Variants in DNAH14 observed in about 807,000 individuals in gnomAD.
The protein encoded by DNAH14 is axonemal beta dynein heavy chain 14.
A neutral mutation model predicts 520.9 loss-of-function variants in DNAH14; 478 were observed. The observed-to-expected ratio is 0.92, with a 90% CI of 0.85 to 0.99. The LOEUF (loss-of-function observed/expected upper bound fraction) is 0.99. DNAH14 is among the 50% of genes least tolerant of loss of function. The pLI, the probability that DNAH14 is intolerant of heterozygous loss-of-function variation, is 0.00. For missense variants in DNAH14, 4,831 were observed against 5,234.5 expected (o/e 0.92, Z 2.38); for synonymous variants, 1,581 against 1,757.2 (o/e 0.90, Z 2.51).
chr1:225,095,447 T>C (rs1188595435), intron 21 of DNAH14, among the ~76,000 whole-genome samples: 1 of 152,022 alleles, frequency 6.6e-6, no homozygotes, highest in Non-Finnish European at 1.5e-5. Context: ...GAGCTAAACA[T>C]TGAGTACACA....
intron 28 of DNAH14, among the ~76,000 whole-genome samples, chr1:225,142,145 A>C (rs1416158825): frequency 2.0e-5 from 3 of 152,198 alleles, no homozygotes; most frequent in Non-Finnish European, 4.4e-5. Context: ...TACTCTGGAA[A>C]AAGTCTAGTG....
intron 35 of DNAH14, among the ~76,000 whole-genome samples, chr1:225,162,872 C>A (rs1395706744): frequency 6.6e-6 from 1 of 151,988 alleles, no homozygotes; most frequent in African/African-American, 2.4e-5. Context: ...CGTGGTGGCT[C>A]ACACCTGTAA....
chr1:225,180,017 T>C (rs985280287), intron 36 of DNAH14, among the ~76,000 whole-genome samples: 1 of 152,206 alleles, frequency 6.6e-6, no homozygotes, highest in Non-Finnish European at 1.5e-5. Context: ...TATTTGCTTC[T>C]TTCTCTTTCT....
chr1:225,321,752 G>C (rs2094558683), intron 61 of DNAH14, among the ~76,000 whole-genome samples: 1 of 152,184 alleles, frequency 6.6e-6, no homozygotes, highest in Non-Finnish European at 1.5e-5. Context: ...TTAAGACATA[G>C]TGAAGAGACC....
At chr1:225,331,034 T>C (rs2094785904) in intron 64 of DNAH14, among the ~76,000 whole-genome samples, 1 of 152,220 alleles carries the variant, frequency 6.6e-6, no homozygotes, top group African/African-American at 2.4e-5. Flanking sequence ...AGTTGATTCA[T>C]CATACAGCTT....
At chr1:225,028,270 G>GTT (rs2066279194) in intron 11 of DNAH14, among the ~76,000 whole-genome samples, 1 of 152,026 alleles carries the variant, frequency 6.6e-6, no homozygotes, top group South Asian at 2.1e-4. Flanking sequence ...TTGTGTGTGT[G>GTT]TGGGATGTAT....
intron 17 of DNAH14, among the ~76,000 whole-genome samples, chr1:225,074,444 G>C (rs557976263): frequency 4.6e-5 from 7 of 152,328 alleles, no homozygotes; most frequent in Non-Finnish European, 7.3e-5. Context: ...TTGTAGAGAA[G>C]CTGTGCTGTG....
chr1:225,383,457 A>G (rs2095803273), intron 81 of DNAH14, among the ~76,000 whole-genome samples: 1 of 152,212 alleles, frequency 6.6e-6, no homozygotes, highest in Non-Finnish European at 1.5e-5. Context: ...GTGGTGAAAC[A>G]GCTAGGACTC....
At chr1:225,193,828 T>C (rs2149359791) in intron 38 of DNAH14, among the ~76,000 whole-genome samples, 1 of 151,716 alleles carries the variant, frequency 6.6e-6, no homozygotes, top group East Asian at 1.9e-4. Context: ...AACCTCCAAA[T>C]CTCGTAAACA....
chr1:224,939,689 C>CA (rs113656668), intron 1 of DNAH14, among the ~76,000 whole-genome samples: 32 of 151,004 alleles, frequency 2.1e-4, no homozygotes, highest in South Asian at 1.9e-3. Context: ...ATCTCAACAA[C>CA]AAAAAAAACT....
At chr1:225,219,947 A>G (rs1253637403) in intron 41 of DNAH14, among the ~76,000 whole-genome samples, 5 of 152,218 alleles carry the variant, frequency 3.3e-5, no homozygotes, top group African/African-American at 1.2e-4. Flanking sequence ...CACATCAGAA[A>G]GCTTATCTAC....
intron 27 of DNAH14, among the ~76,000 whole-genome samples, chr1:225,127,852 G>C (rs1379813607): frequency 1.3e-5 from 2 of 152,260 alleles, no homozygotes; most frequent in East Asian, 3.9e-4. Context: ...GGTAACAGTT[G>C]TTCCTTTCCA....
At chr1:224,953,913 A>G (rs2060341997) in intron 2 of DNAH14, among the ~76,000 whole-genome samples, 1 of 152,204 alleles carries the variant, frequency 6.6e-6, no homozygotes, top group African/African-American at 2.4e-5. Context: ...GAAGCCATAA[A>G]CAATACAAAC....
rs185563519 is a variant in DNAH14 at position 224,939,311 on chromosome 1, G to T, written c.-34+9476G>T. Among the ~76,000 whole-genome samples the T allele has an allele frequency of 1.0e-4, 15 of 150,592 alleles. No individual in the cohort carries two copies. In the East Asian group the frequency reaches 2.7e-3, roughly 27 times the overall value. ...GTAAGTAGAACCCTCAGATGCACTG[G>T]ATTGTACTCTAATCCTTTTCCCCTA... On this transcript the variant is annotated intron_variant, in intron 1 of 85. Transcript: ENST00000682510.
Position 225,265,198 on chromosome 1 carries a change from G to A in DNAH14, c.7239G>A (p.Lys2413=), listed in dbSNP as rs745402354. The A allele has an allele frequency of 1.4e-6, 2 of 1,477,502 alleles. No homozygotes were observed. Among genetic ancestry groups the A allele is most frequent in the South Asian group, 2.8e-5 (2 of 70,286 alleles). 91.5% of individuals were successfully genotyped at this position (1,477,502 alleles called of 1,614,324 possible). Residue 2413 remains lysine (K), a synonymous_variant, in exon 48 of 86, where the codon AAG becomes AAA. Coordinates refer to ENST00000682510, the MANE Select transcript of DNAH14 (RefSeq NM_001367479.1). ...GCATCACAGATAATCCCACTAAAAA[G>A]CCAGAAGTTAGAACTAATAAAAAGT... The part of the protein sequence containing the change: ...ATGSSDNPTK[K]PEVRTNKKLL...
At chr1:225,274,254 G>A (rs2093404955) in intron 52 of DNAH14, among the ~76,000 whole-genome samples, 1 of 140,936 alleles carries the variant, frequency 7.1e-6, no homozygotes, top group South Asian at 2.3e-4. Context: ...GCCCAGGCGG[G>A]AGTGCTGTGG....
chr1:225,017,964 TC>T (rs2065349066), intron 10 of DNAH14, among the ~76,000 whole-genome samples: 1 of 152,128 alleles, frequency 6.6e-6, no homozygotes, highest in Admixed American at 6.5e-5. Flanking sequence ...CTTTCACAGA[TC>T]AGAAACAGAC....
intron 71 of DNAH14, among the ~76,000 whole-genome samples, chr1:225,347,297 G>C (rs1351613575): frequency 6.6e-6 from 1 of 152,148 alleles, no homozygotes; most frequent in Non-Finnish European, 1.5e-5. Context: ...GAGAACTCTA[G>C]AGATCAGTTG....
intron 33 of DNAH14, among the ~76,000 whole-genome samples, chr1:225,153,244 AACAC>A (rs768371498): frequency 6.6e-6 from 1 of 152,240 alleles, no homozygotes; most frequent in East Asian, 1.9e-4. Context: ...GATTTATTAA[AACAC>A]AAAGTGCTGG....
Sources: gnomAD v4.1 joint callset for allele counts (sites outside exome capture counted in the v4.1 genomes callset) on GRCh38, gnomAD v4.1.1 for gene constraint, MANE v1.5 for transcripts, NCBI Gene and HGNC (gene_info 2026-07-23, HGNC 2026-07-21) for gene names.